The following EFCAB6 variants were observed in gnomAD, a reference collection of about 807,000 sequenced individuals.
EFCAB6 encodes the protein EF-hand calcium binding domain 6, also known as EF-hand calcium-binding domain-containing protein 6.
In EFCAB6, 156 loss-of-function variants were observed where a neutral mutation model predicts 169.8. That is an observed-to-expected ratio of 0.92 (90% CI 0.81 to 1.05). The LOEUF (loss-of-function observed/expected upper bound fraction) is 1.05. Among genes scored for constraint, EFCAB6 ranks in the 50% least tolerant of loss-of-function variants. The probability of loss-of-function intolerance (pLI) is 0.00; values close to 1 mark genes in which losing one functional copy is unlikely to be tolerated. For synonymous variants in EFCAB6, 698 were observed against 676.4 expected (o/e 1.03, Z -0.50); for missense variants, 1,800 against 1,829.1 (o/e 0.98, Z 0.29).
chr22:43,562,973 G>A (rs59124810), intron 26 of EFCAB6, among the ~76,000 whole-genome samples: 9,544 of 152,220 alleles, frequency 0.063, 356 homozygotes, highest in Admixed American at 0.097. Flanking sequence ...CAGCACGGCC[G>A]CCTGCTGCTA....
chr22:43,578,369 T>C (rs2050398751), intron 25 of EFCAB6, among the ~76,000 whole-genome samples: 1 of 152,206 alleles, frequency 6.6e-6, no homozygotes, highest in South Asian at 2.1e-4. Context: ...GGATGTTCAC[T>C]GTGGGGATTG....
intron 26 of EFCAB6, among the ~76,000 whole-genome samples, chr22:43,571,781 T>C (rs2147215063): frequency 6.6e-6 from 1 of 152,320 alleles, no homozygotes; most frequent in African/African-American, 2.4e-5. Context: ...CTCTGTCATT[T>C]ACTACGACCA....
chr22:43,534,391 T>A (rs1384271309), intron 30 of EFCAB6, among the ~76,000 whole-genome samples: 1 of 152,192 alleles, frequency 6.6e-6, no homozygotes, highest in Non-Finnish European at 1.5e-5. Context: ...AACCTCTTTC[T>A]TTTATAAATT....
intron 6 of EFCAB6, among the ~76,000 whole-genome samples, chr22:43,754,498 TTACC>T (rs1204856609): frequency 2.0e-5 from 3 of 152,190 alleles, no homozygotes; most frequent in Non-Finnish European, 4.4e-5. Flanking sequence ...GTACTAAGCA[TTACC>T]TTTTCCCTTC....
chr22:43,697,997 C>T (rs1327622054), intron 10 of EFCAB6, among the ~76,000 whole-genome samples: 3 of 152,138 alleles, frequency 2.0e-5, no homozygotes, highest in South Asian at 2.1e-4. Context: ...AGGTCATAGA[C>T]GCAGAGCCCC....
intron 9 of EFCAB6, among the ~76,000 whole-genome samples, chr22:43,712,713 TGTAGCGGGGGC>T (rs1314775775): frequency 6.6e-6 from 1 of 152,178 alleles, no homozygotes; most frequent in Non-Finnish European, 1.5e-5. Context: ...GAGCCTGGTG[TGTAGCGGGGGC>T]TCGGTGCAGT....
chr22:43,545,483 G>A (rs1324687636), intron 27 of EFCAB6, among the ~76,000 whole-genome samples: 1 of 152,178 alleles, frequency 6.6e-6, no homozygotes, highest in East Asian at 1.9e-4. Flanking sequence ...GAATCATTAA[G>A]GGCCAAGGAA....
intron 25 of EFCAB6, among the ~76,000 whole-genome samples, chr22:43,578,062 C>G (rs188167526): frequency 2.2e-3 from 330 of 152,194 alleles, no homozygotes; most frequent in African/African-American, 7.7e-3. Context: ...TAGTAAAGAT[C>G]TTCAGGACTT....
intron 2 of EFCAB6, among the ~76,000 whole-genome samples, chr22:43,787,719 T>C (rs1202501477): frequency 6.6e-6 from 1 of 152,052 alleles, no homozygotes; most frequent in Non-Finnish European, 1.5e-5. Flanking sequence ...CTTGAAGAAA[T>C]TGACAAGTTG....
At chr22:43,695,567 T>A (rs1329364249) in intron 10 of EFCAB6, among the ~76,000 whole-genome samples, 1 of 152,042 alleles carries the variant, frequency 6.6e-6, no homozygotes, top group Non-Finnish European at 1.5e-5. Flanking sequence ...GGAGGACTCA[T>A]ACAATCTAAT....
chr22:43,735,088 T>C (rs2060083268), intron 7 of EFCAB6, among the ~76,000 whole-genome samples: 1 of 152,140 alleles, frequency 6.6e-6, no homozygotes, highest in Non-Finnish European at 1.5e-5. Flanking sequence ...ACTGTAGAAA[T>C]TAAGCTAGAC....
chr22:43,697,445 A>C (rs1365963522), intron 10 of EFCAB6, among the ~76,000 whole-genome samples: 1 of 152,378 alleles, frequency 6.6e-6, no homozygotes, highest in South Asian at 2.1e-4. Context: ...AAATTCTGGA[A>C]GGAAATATAT....
At chr22:43,661,760 CTA>C (rs1286138583) in intron 17 of EFCAB6, among the ~76,000 whole-genome samples, 2 of 152,162 alleles carry the variant, frequency 1.3e-5, no homozygotes, top group Non-Finnish European at 1.5e-5. Context: ...AGAAGCTCTG[CTA>C]TGTCTTATAT....
intron 6 of EFCAB6, among the ~76,000 whole-genome samples, chr22:43,755,166 A>G (rs1422153388): frequency 6.6e-6 from 1 of 152,220 alleles, no homozygotes; most frequent in Admixed American, 6.5e-5. Context: ...CAAACTGCTC[A>G]TGTAACTGAC....
chr22:43,708,310 G>A (rs951396084), intron 10 of EFCAB6, among the ~76,000 whole-genome samples: 2 of 152,076 alleles, frequency 1.3e-5, no homozygotes, highest in Non-Finnish European at 2.9e-5. Flanking sequence ...AGAAGCTGAG[G>A]CAGGAGAATC....
chr22:43,790,141 T>C (rs2062231221), intron 2 of EFCAB6, among the ~76,000 whole-genome samples: 1 of 152,226 alleles, frequency 6.6e-6, no homozygotes, highest in Non-Finnish European at 1.5e-5. Flanking sequence ...CCTTGCACTG[T>C]ACAGTCTAGA....
intron 10 of EFCAB6, among the ~76,000 whole-genome samples, chr22:43,705,089 C>T (rs936415191): frequency 2.6e-5 from 4 of 151,912 alleles, no homozygotes; most frequent in Non-Finnish European, 2.9e-5. Flanking sequence ...ATGCTTATAT[C>T]GGACAAAATA....
chr22:43,784,635 A>ATATATACACATATATATGTG (rs754312290), intron 2 of EFCAB6, among the ~76,000 whole-genome samples: 3,130 of 58,942 alleles, frequency 0.053, 485 homozygotes, highest in South Asian at 0.13. Context: ...ATATATATGT[A>ATATATACACATATATATGTG]TATGTACACA....
intron 6 of EFCAB6, among the ~76,000 whole-genome samples, chr22:43,747,963 T>A (rs1036437722): frequency 4.6e-4 from 70 of 152,322 alleles, no homozygotes; most frequent in African/African-American, 1.6e-3. Context: ...TAAACCATCA[T>A]AATGTGTTGC....
Sources: gnomAD v4.1 joint callset for allele counts (sites outside exome capture counted in the v4.1 genomes callset) on GRCh38, gnomAD v4.1.1 for gene constraint, MANE v1.5 for transcripts, NCBI Gene and HGNC (gene_info 2026-07-23, HGNC 2026-07-21) for gene names.